Variants in NAALAD2 observed in about 807,000 individuals in gnomAD.
NAALAD2 encodes N-acetylated alpha-linked acidic dipeptidase 2.
Under a neutral mutation model 95.6 loss-of-function variants are expected in NAALAD2, and 89 were observed. The observed-to-expected ratio is 0.93, with a 90% CI of 0.78 to 1.11. NAALAD2 has a LOEUF of 1.11. NAALAD2 is among the 50% of genes least tolerant of loss of function. The pLI, the probability that NAALAD2 is intolerant of heterozygous loss-of-function variation, is 0.00. For synonymous variants in NAALAD2, 264 were observed against 294.4 expected, an observed-to-expected ratio of 0.90 and a Z score of 1.06; for missense variants, 894 against 872.4, an observed-to-expected ratio of 1.02 and a Z score of -0.31.
At chr11:90,137,624 G>A (rs1951484937) in intron 2 of NAALAD2, among the ~76,000 whole-genome samples, 1 of 151,956 alleles carries the variant, frequency 6.6e-6, no homozygotes, top group African/African-American at 2.4e-5. Flanking sequence ...GTTGTTTTGA[G>A]ACAGAGTCTC....
intron 14 of NAALAD2, 98 bp downstream of exon 14, chr11:90,174,013 A>G: frequency 1.2e-6 from 1 of 854,382 alleles, no homozygotes; most frequent in South Asian, 1.6e-5. Flanking sequence ...GCGTCTCATC[A>G]ATAATTTGAG....
chr11:90,181,741 A>C lies in NAALAD2; in HGVS notation c.1940+40A>C, dbSNP rs768227303. 3.2e-6 allele frequency: 4 copies of C among 1,247,454 alleles called. No individual in the cohort carries two copies. In the African/African-American group the frequency reaches 4.7e-5, roughly 15 times the overall value. 77.3% of individuals were successfully genotyped at this position (1,247,454 alleles called of 1,614,324 possible). ...CCTTTTTTTTTAAAAAAAAAAAAAA[A>C]AGCAATCTGGTTACTAGAATGAACT... is the stretch of plus-strand genomic sequence containing the variant. On this transcript the variant is annotated intron_variant, in intron 17 of 18. Transcript: ENST00000534061.
chr11:90,187,983 C>T (rs1413046776), intron 18 of NAALAD2, among the ~76,000 whole-genome samples: 1 of 152,090 alleles, frequency 6.6e-6, no homozygotes, highest in African/African-American at 2.4e-5. Context: ...TCCAGTGCAG[C>T]CACGTGATGG....
chr11:90,134,869 TC>T, intron 1 of NAALAD2, 29 bp downstream of exon 1: 1 of 1,607,448 alleles, frequency 6.2e-7, no homozygotes, highest in South Asian at 1.1e-5. Flanking sequence ...CTACCCCGAC[TC>T]CGGGGCTCGT....
At position 90,181,655 on chromosome 11, in the gene NAALAD2, G is replaced by C. The variant is rs770564555; in HGVS notation, c.1894G>C (p.Ala632Pro). 1 of 1,606,606 alleles carries C rather than the reference G, an allele frequency of 6.2e-7. No individual in the cohort carries two copies. The highest frequency in any genetic ancestry group is 8.5e-7 in the Non-Finnish European group (1 of 1,176,722). The change falls in exon 17 of 19, where the codon GCT becomes CCT. Residue 632 changes from alanine to proline, a missense_variant. Physicochemically the swap from Ala to Pro is conservative, Grantham distance 27. Transcript: ENST00000534061. ...TTCTGCTGTGAAAAACTTCTCAGAG[G>C]CTGCTTCAGATTTTCATAAACGACT... ...LFSAVKNFSEAASDFHKRLIQ... is the reference protein window; with the variant it reads ...LFSAVKNFSEPASDFHKRLIQ...
At chr11:90,154,041 C>G (rs1474603352) in intron 6 of NAALAD2, among the ~76,000 whole-genome samples, 1 of 148,114 alleles carries the variant, frequency 6.8e-6, no homozygotes, top group East Asian at 2.1e-4. Context: ...CTCTCTCTCT[C>G]TCTCTCTCTC....
intron 11 of NAALAD2, among the ~76,000 whole-genome samples, chr11:90,164,679 G>T (rs555438202): frequency 6.6e-6 from 1 of 152,116 alleles, no homozygotes; most frequent in Non-Finnish European, 1.5e-5. Context: ...CACACAGTAA[G>T]TGATCAATAA....
intron 2 of NAALAD2, among the ~76,000 whole-genome samples, chr11:90,142,185 G>C (rs10830418): frequency 0.14 from 20,608 of 151,940 alleles, 1,589 homozygotes; most frequent in South Asian, 0.22. Context: ...TTTTTTAGCT[G>C]GTCGGTAGGG....
intron 6 of NAALAD2, among the ~76,000 whole-genome samples, chr11:90,155,350 T>TA (rs1296236733): frequency 8.6e-6 from 1 of 115,948 alleles, no homozygotes; most frequent in South Asian, 2.4e-4. Context: ...ATATATTATA[T>TA]ATTACATGTA....
intron 4 of NAALAD2, among the ~76,000 whole-genome samples, chr11:90,150,236 C>CAG (rs5793432): frequency 0.45 from 68,427 of 151,638 alleles, 16,476 homozygotes; most frequent in African/African-American, 0.62. Context: ...GCCTGGGTGA[C>CAG]AGTGAAATTC....
In NAALAD2 at chr11:90,191,581, G is replaced by C. The variant is rs1467255850; in HGVS notation, c.2057G>C (p.Ser686Thr). The C allele has an allele frequency of 2.5e-6, 4 of 1,591,748 alleles. No homozygotes were observed. The East Asian group carries it at 9.1e-5, about 36-fold the overall frequency. Residue 686 changes from serine (S) to threonine (T), a missense_variant, in exon 19 of 19, where the codon AGC becomes ACC. Physicochemically the swap from Ser to Thr is moderately conservative, Grantham distance 58. Transcript: ENST00000534061. Reference sequence around the variant, plus strand: ...AGGCACATCATATTTGCTCCAAGTAGCCACAACAAATATGCTGGAGAATCA... The same window carrying C: ...AGGCACATCATATTTGCTCCAAGTACCCACAACAAATATGCTGGAGAATCA... ...FYRHIIFAPS[S>T]HNKYAGESFP...
intron 1 of NAALAD2, 127 bp from the exon 2 acceptor site, chr11:90,135,432 C>T: frequency 2.1e-6 from 1 of 484,738 alleles, no homozygotes; most frequent in South Asian, 5.6e-5. Flanking sequence ...TTTTTTAAAG[C>T]TCACCATGAT....
chr11:90,137,879 G>A (rs1951491281), intron 2 of NAALAD2, among the ~76,000 whole-genome samples: 1 of 151,976 alleles, frequency 6.6e-6, no homozygotes, highest in African/African-American at 2.4e-5. Flanking sequence ...ATGAGCTCAA[G>A]TGACATACCC....
At position 90,134,753 on chromosome 11, in the gene NAALAD2, G is replaced by C. The variant is rs1951412288; in HGVS notation, c.-6G>C. Reference sequence around the variant, plus strand: ...CAGGCGCCCCAAGCTCGGTCCTCAAGAAGCCATGGCGGAATCCAGGGGCCG... The same window carrying C: ...CAGGCGCCCCAAGCTCGGTCCTCAACAAGCCATGGCGGAATCCAGGGGCCG... On this transcript the variant is annotated 5_prime_UTR_variant, in exon 1 of 19. Transcript: ENST00000534061. 1 of 1,613,726 alleles carries C rather than the reference G, an allele frequency of 6.2e-7. No homozygotes were observed. Among genetic ancestry groups the C allele is most frequent in the Non-Finnish European group, 8.5e-7 (1 of 1,180,008 alleles).
intron 2 of NAALAD2, among the ~76,000 whole-genome samples, chr11:90,146,654 C>T (rs1422981070): frequency 6.6e-6 from 1 of 151,950 alleles, no homozygotes; most frequent in African/African-American, 2.4e-5. Flanking sequence ...TGTGAGCCAC[C>T]ATGCCTGGCC....
chr11:90,162,231 G>A (rs907706998), intron 8 of NAALAD2, among the ~76,000 whole-genome samples: 3 of 152,084 alleles, frequency 2.0e-5, no homozygotes, highest in South Asian at 2.1e-4. Flanking sequence ...TGTTTTTTCT[G>A]TCTGGCTGAG....
At chr11:90,146,183 A>G (rs1951745120) in intron 2 of NAALAD2, among the ~76,000 whole-genome samples, 1 of 151,672 alleles carries the variant, frequency 6.6e-6, no homozygotes, top group African/African-American at 2.4e-5. Flanking sequence ...GAGAAAACAC[A>G]TGTGAAAGTG....
intron 7 of NAALAD2, chr11:90,158,939 G>T (rs1952203014): frequency 3.2e-6 from 1 of 309,492 alleles, no homozygotes; most frequent in East Asian, 9.2e-5. Context: ...GATTCAGTGA[G>T]TCCCCACATA....
At position 90,158,190 on chromosome 11, in the gene NAALAD2, G is replaced by A. The variant is rs761176623; in HGVS notation, c.842G>A (p.Arg281Gln). Residue 281 changes from arginine (R) to glutamine (Q), a missense_variant, in exon 7 of 19, where the codon CGA (arginine) becomes CAA (glutamine). Coordinates refer to ENST00000534061, the MANE Select transcript of NAALAD2 (RefSeq NM_005467.4). Reference sequence around the variant, plus strand: ...GTTGAAGAAGGAGTGGGAATCCCCCGAATACCTGTACATCCCATTGGATAT... The same window carrying A: ...GTTGAAGAAGGAGTGGGAATCCCCCAAATACCTGTACATCCCATTGGATAT... ...LDVEEGVGIP[R>Q]IPVHPIGYND... 3.6e-5 allele frequency: 58 copies of A among 1,610,884 alleles called. No individual in the cohort carries two copies. Among genetic ancestry groups the A allele is most frequent in the East Asian group, 3.6e-4 (16 of 44,776 alleles).
Sources: allele counts gnomAD v4.1 joint callset (sites outside exome capture counted in the v4.1 genomes callset), GRCh38; gene constraint gnomAD v4.1.1; transcripts MANE v1.5; gene names NCBI Gene and HGNC (gene_info 2026-07-23, HGNC 2026-07-21).